Variants in CORIN observed in about 807,000 individuals in gnomAD.
CORIN encodes the protein atrial natriuretic peptide-converting enzyme.
Under a neutral mutation model 125.3 loss-of-function variants are expected in CORIN, and 117 were observed. The ratio of observed to expected loss-of-function variants is 0.93; its 90% confidence interval spans 0.80 to 1.09. The LOEUF (loss-of-function observed/expected upper bound fraction) is 1.09, where lower values mean the gene tolerates loss of function less well. CORIN is among the 50% of genes least tolerant of loss of function. The pLI, the probability that CORIN is intolerant of heterozygous loss-of-function variation, is 0.00. For missense variants in CORIN, 1,253 were observed against 1,306.7 expected (o/e 0.96, Z 0.63); for synonymous variants, 450 against 466.4 (o/e 0.96, Z 0.45).
At chr4:47,791,872 A>G (rs1424674737) in intron 2 of CORIN, among the ~76,000 whole-genome samples, 2 of 152,206 alleles carry the variant, frequency 1.3e-5, no homozygotes, top group Admixed American at 1.3e-4. Context: ...AATATTTAGT[A>G]AGAGGTCCTT....
chr4:47,674,407 CTG>C lies in CORIN; in HGVS notation c.1341_1342del (p.Asn447LysfsTer4). The C allele has an allele frequency of 6.2e-7, 1 of 1,611,804 alleles. No homozygotes were observed. The highest frequency in any genetic ancestry group is 2.2e-5 in the East Asian group (1 of 44,834). ...GTTGTACTTACTACAGTTATTCAGA[CTG>C]TTGTTCGGGTCACAGAGAGAGCTAC... On this transcript the variant is annotated frameshift_variant, in exon 10 of 22. Coordinates refer to ENST00000273857, the MANE Select transcript of CORIN (RefSeq NM_006587.4). LOFTEE classifies it high-confidence loss of function.
At chr4:47,712,107 T>C (rs1239901553) in intron 5 of CORIN, among the ~76,000 whole-genome samples, 2 of 152,250 alleles carry the variant, frequency 1.3e-5, no homozygotes, top group Non-Finnish European at 2.9e-5. Context: ...TAATATATGT[T>C]AACAATTAAG....
At chr4:47,699,986 T>C (rs1726213919) in intron 5 of CORIN, among the ~76,000 whole-genome samples, 1 of 152,198 alleles carries the variant, frequency 6.6e-6, no homozygotes, top group East Asian at 1.9e-4. Context: ...AAAGGGGCTT[T>C]GGGGCCACAT....
At chr4:47,711,608 C>T (rs1257182190) in intron 5 of CORIN, among the ~76,000 whole-genome samples, 1 of 152,186 alleles carries the variant, frequency 6.6e-6, no homozygotes, top group African/African-American at 2.4e-5. Flanking sequence ...GTAAGCCTGA[C>T]TTGGCAAACT....
intron 19 of CORIN, among the ~76,000 whole-genome samples, chr4:47,617,114 T>C (rs921094678): frequency 6.6e-6 from 1 of 152,220 alleles, no homozygotes; most frequent in African/African-American, 2.4e-5. Context: ...CAGTAAAGGA[T>C]GACAAAGATT....
chr4:47,824,669 T>C (rs1228148137), intron 1 of CORIN, among the ~76,000 whole-genome samples: 2 of 152,088 alleles, frequency 1.3e-5, no homozygotes, highest in African/African-American at 4.8e-5. Context: ...CTCAATTCTA[T>C]TGTTATGATT....
intron 10 of CORIN, among the ~76,000 whole-genome samples, chr4:47,667,838 T>C (rs182790461): frequency 1.3e-5 from 2 of 152,148 alleles, no homozygotes; most frequent in African/African-American, 4.8e-5. Flanking sequence ...GAAGGAGGGG[T>C]TGGACATTAT....
chr4:47,806,142 GT>G (rs1423074906), intron 2 of CORIN, among the ~76,000 whole-genome samples: 1 of 151,644 alleles, frequency 6.6e-6, no homozygotes, highest in East Asian at 1.9e-4. Context: ...GTTTGAGTGT[GT>G]TTTTAAGATT....
chr4:47,693,752 GT>G (rs1725869786), intron 5 of CORIN, among the ~76,000 whole-genome samples: 1 of 152,158 alleles, frequency 6.6e-6, no homozygotes, highest in Non-Finnish European at 1.5e-5. Flanking sequence ...ATATTTTGGT[GT>G]TCTTTTTCTC....
chr4:47,638,057 G>A (rs1723096229), intron 16 of CORIN, among the ~76,000 whole-genome samples: 1 of 152,228 alleles, frequency 6.6e-6, no homozygotes, highest in African/African-American at 2.4e-5. Context: ...GCAAGACATG[G>A]AGTCAAAGGA....
At chr4:47,672,561 G>A (rs547473372) in intron 10 of CORIN, among the ~76,000 whole-genome samples, 6 of 152,128 alleles carry the variant, frequency 3.9e-5, no homozygotes, top group Admixed American at 1.3e-4. Context: ...AAATTTCCAC[G>A]GCAGATTGAG....
chr4:47,708,847 G>C (rs1224974138), intron 5 of CORIN, among the ~76,000 whole-genome samples: 2 of 152,184 alleles, frequency 1.3e-5, no homozygotes, highest in African/African-American at 4.8e-5. Context: ...AAGATCAGTG[G>C]GAGGAGAACT....
At chr4:47,685,454 A>T (rs895179229) in intron 6 of CORIN, among the ~76,000 whole-genome samples, 6 of 152,178 alleles carry the variant, frequency 3.9e-5, no homozygotes, top group African/African-American at 1.4e-4. Context: ...ATTCCCAGAA[A>T]AAACAAATTT....
chr4:47,751,376 G>A (rs1728892070), intron 4 of CORIN, among the ~76,000 whole-genome samples: 1 of 152,122 alleles, frequency 6.6e-6, no homozygotes, highest in Non-Finnish European at 1.5e-5. Context: ...TTGCCTTCCA[G>A]TCAACTTAGA....
Position 47,594,081 on chromosome 4 carries a change from C to G in CORIN, c.*1640G>C, listed in dbSNP as rs1721163279. 1 of 151,632 alleles carries G rather than the reference C, an allele frequency of 6.6e-6. No individual in the cohort carries two copies. Among genetic ancestry groups the G allele is most frequent in the Non-Finnish European group, 1.5e-5 (1 of 67,942 alleles). 9.4% of individuals were successfully genotyped at this position (151,632 alleles called of 1,614,324 possible). ...TATATTTCACTGAGCCTAAGTTGAG[C>G]AGGCTAAAAGTTGATACATTGAGTA... On this transcript the variant is annotated 3_prime_UTR_variant, in exon 22 of 22. Coordinates refer to ENST00000273857, the MANE Select transcript of CORIN (RefSeq NM_006587.4).
chr4:47,816,979 A>G (rs1265118075), intron 1 of CORIN, among the ~76,000 whole-genome samples: 1 of 152,192 alleles, frequency 6.6e-6, no homozygotes, highest in African/African-American at 2.4e-5. Flanking sequence ...CTATTGAGCA[A>G]TACGGTGTGG....
At chr4:47,726,214 G>A (rs1479305004) in intron 5 of CORIN, among the ~76,000 whole-genome samples, 4 of 151,978 alleles carry the variant, frequency 2.6e-5, no homozygotes, top group Non-Finnish European at 5.9e-5. Flanking sequence ...TACCAATCTA[G>A]GTATTCATCT....
Position 47,729,985 on chromosome 4 carries a change from C to T in CORIN, c.799+14417G>A, listed in dbSNP as rs540655749. 2.6e-5 allele frequency among the ~76,000 whole-genome samples: 4 copies of T among 152,244 alleles called. No homozygotes were observed. In the East Asian group the frequency reaches 5.8e-4, roughly 22 times the overall value. On this transcript the variant is annotated intron_variant, in intron 5 of 21. Coordinates refer to ENST00000273857, the MANE Select transcript of CORIN (RefSeq NM_006587.4). Reference sequence around the variant, plus strand: ...CCTGCTTCCGGCTCCCCATCCACCTCGCTGAGAGCCACCTCCACCACTCAA... The same window carrying T: ...CCTGCTTCCGGCTCCCCATCCACCTTGCTGAGAGCCACCTCCACCACTCAA...
At chr4:47,677,888 G>A (rs1725098193) in intron 9 of CORIN, 50 bp downstream of exon 9, 2 of 1,285,206 alleles carry the variant, frequency 1.6e-6, no homozygotes, top group Non-Finnish European at 1.1e-6. Flanking sequence ...TTGTTCCCAA[G>A]GAGAGGACCA....
Sources: gnomAD v4.1 joint callset for allele counts (sites outside exome capture counted in the v4.1 genomes callset) on GRCh38, gnomAD v4.1.1 for gene constraint, MANE v1.5 for transcripts, NCBI Gene and HGNC (gene_info 2026-07-23, HGNC 2026-07-21) for gene names.